Variants in FNIP2 observed in about 807,000 individuals in gnomAD.
The protein encoded by FNIP2 is folliculin-interacting protein 2.
In FNIP2, 32 loss-of-function variants were observed where a neutral mutation model predicts 108.7. That is an observed-to-expected ratio of 0.29 (90% confidence interval 0.22 to 0.40). The LOEUF is 0.40. Among genes scored for constraint, FNIP2 ranks in the 10% least tolerant of loss-of-function variants. The pLI is 1.00. For synonymous variants in FNIP2, 480 were observed against 496.7 expected, an observed-to-expected ratio of 0.97 and a Z score of 0.45; for missense variants, 1,202 against 1,381.6, an observed-to-expected ratio of 0.87 and a Z score of 2.06.
At chr4:158,871,726 T>C in intron 14 of FNIP2, 2 of 985,414 alleles carry the variant, frequency 2.0e-6, no homozygotes, top group Non-Finnish European at 2.4e-6. Context: ...ACTATGAAGT[T>C]GCTTTTGTCC....
chr4:158,878,740 A>G (rs1247568896), intron 14 of FNIP2, among the ~76,000 whole-genome samples: 2 of 151,996 alleles, frequency 1.3e-5, no homozygotes, highest in Non-Finnish European at 1.5e-5. Context: ...GAGAATCAGC[A>G]CTCCTCCAGT....
At chr4:158,904,347 A>G in intron 16 of FNIP2, 119 bp from the exon 17 acceptor site, 1 of 881,794 alleles carries the variant, frequency 1.1e-6, no homozygotes, top group Non-Finnish European at 1.7e-6. Flanking sequence ...CATTAGTTTT[A>G]AATGATAATC....
At chr4:158,825,887 T>G in intron 1 of FNIP2, 29 bp from the exon 2 acceptor site, 2 of 1,596,180 alleles carry the variant, frequency 1.3e-6, no homozygotes, top group Non-Finnish European at 1.7e-6. Context: ...GCAGATAACA[T>G]AACTTCTTTT....
In FNIP2 at chr4:158,868,126, C is replaced by T; in HGVS notation, c.1490C>T (p.Ser497Phe). The T allele has an allele frequency of 6.2e-7, 1 of 1,613,980 alleles. No individual in the cohort carries two copies. Among genetic ancestry groups the T allele is most frequent in the Non-Finnish European group, 8.5e-7 (1 of 1,179,880 alleles). ...GGTGATCTTTACGGAGCCATAGGCT[C>T]TCCAGTGAGACTGACTCGCACCGTA... Reference protein sequence around the residue: ...QLGDLYGAIGSPVRLTRTVVV... With the variant: ...QLGDLYGAIGFPVRLTRTVVV... The change falls in exon 13 of 17, where the codon TCT becomes TTT. Residue 497 changes from serine (S) to phenylalanine (F), a missense_variant. Coordinates refer to ENST00000264433, the MANE Select transcript of FNIP2 (RefSeq NM_020840.3). This position sits in a 1 kb window ranked among gnomAD's most constrained non-coding sequence, Gnocchi z 4.6.
chr4:158,833,140 A>T (rs577807961), intron 5 of FNIP2, among the ~76,000 whole-genome samples: 9 of 152,344 alleles, frequency 5.9e-5, no homozygotes, highest in Non-Finnish European at 1.3e-4. Context: ...TTGAGAGTTT[A>T]TGTAAAATAC....
chr4:158,823,682 C>T (rs762655174), intron 1 of FNIP2, among the ~76,000 whole-genome samples: 10 of 152,366 alleles, frequency 6.6e-5, no homozygotes, highest in South Asian at 2.1e-4. Context: ...TTGCTCACCT[C>T]TACTTTCCTC....
intron 1 of FNIP2, among the ~76,000 whole-genome samples, chr4:158,776,674 C>T (rs764547246): frequency 5.3e-5 from 8 of 152,292 alleles, no homozygotes; most frequent in South Asian, 2.1e-4. Context: ...AACAAGAAAA[C>T]GTACATGTGA....
intron 1 of FNIP2, among the ~76,000 whole-genome samples, chr4:158,803,755 G>A (rs1026188997): frequency 3.3e-5 from 5 of 152,054 alleles, no homozygotes; most frequent in Non-Finnish European, 5.9e-5. Flanking sequence ...ATATCATGTT[G>A]GTCTCACTGA....
chr4:158,794,971 T>G (rs1182494548), intron 1 of FNIP2, among the ~76,000 whole-genome samples: 5 of 152,204 alleles, frequency 3.3e-5, no homozygotes, highest in Admixed American at 3.3e-4. Context: ...ACCCCTCTGC[T>G]AAGAGAAGTT....
rs1647480989 is a variant in FNIP2, at chr4:158,872,732, G to GTA, written c.2949+2264_2949+2265insAT. The GTA allele has an allele frequency of 5.2e-6, 5 of 964,972 alleles. No individual in the cohort carries two copies. In the Admixed American group the frequency reaches 3.2e-4, roughly 62 times the overall value. The allele number at this position is 964,972 out of a possible 1,614,324, so 59.8% of individuals were successfully genotyped here. On this transcript the variant is annotated intron_variant, in intron 14 of 16. Transcript: ENST00000264433. Reference sequence around the variant, plus strand: ...TAAACTGGCGCTCTGGTCTATGGTAGTGTTTTTTTTTTTTTTTTTAAAAAA... The same window carrying GTA: ...TAAACTGGCGCTCTGGTCTATGGTAGTATGTTTTTTTTTTTTTTTTTAAAAAA...
chr4:158,893,373 C>G (rs574434600), intron 15 of FNIP2: 1 of 237,250 alleles, frequency 4.2e-6, no homozygotes, highest in South Asian at 1.5e-4. Context: ...ATAATAGAAC[C>G]TATCTCCTAT....
At chr4:158,785,087 CTTTTT>C (rs397805773) in intron 1 of FNIP2, among the ~76,000 whole-genome samples, 1 of 123,196 alleles carries the variant, frequency 8.1e-6, no homozygotes. Context: ...TAAAGTTCCT[CTTTTT>C]TTTTTTTTTT....
intron 1 of FNIP2, among the ~76,000 whole-genome samples, chr4:158,798,714 A>G (rs1259217598): frequency 6.6e-6 from 1 of 152,230 alleles, no homozygotes; most frequent in Non-Finnish European, 1.5e-5. Context: ...TACAAAAGCA[A>G]TGAAATGCCT....
intron 7 of FNIP2, among the ~76,000 whole-genome samples, chr4:158,843,427 C>T (rs1402039712): frequency 1.3e-5 from 2 of 152,190 alleles, no homozygotes; most frequent in African/African-American, 2.4e-5. Flanking sequence ...TCTTGAGCAC[C>T]TCATGTGGCG....
intron 1 of FNIP2, among the ~76,000 whole-genome samples, chr4:158,820,757 C>G (rs151011208): frequency 1.3e-5 from 2 of 152,338 alleles, no homozygotes; most frequent in South Asian, 4.1e-4. Context: ...GCAGTGACTT[C>G]CCTGTTCATT....
At chr4:158,803,662 T>C (rs1298611324) in intron 1 of FNIP2, among the ~76,000 whole-genome samples, 2 of 152,244 alleles carry the variant, frequency 1.3e-5, no homozygotes, top group African/African-American at 4.8e-5. Context: ...GATTTTGAAC[T>C]GTGGAATTAA....
At chr4:158,800,394 A>G (rs1326415328) in intron 1 of FNIP2, among the ~76,000 whole-genome samples, 4 of 152,184 alleles carry the variant, frequency 2.6e-5, no homozygotes, top group African/African-American at 9.7e-5. Flanking sequence ...TAATGATAGC[A>G]ATTATGTTGA....
At chr4:158,881,603 G>A (rs186075420) in intron 14 of FNIP2, among the ~76,000 whole-genome samples, 5 of 152,332 alleles carry the variant, frequency 3.3e-5, no homozygotes, top group South Asian at 2.1e-4. Context: ...GGCGCGTGCC[G>A]CCACGCCTGA....
chr4:158,859,732 CTG>C, intron 10 of FNIP2, 66 bp downstream of exon 10: 6 of 1,344,210 alleles, frequency 4.5e-6, no homozygotes, highest in Non-Finnish European at 4.2e-6. Context: ...TAAAGATAAA[CTG>C]TGACTTGGAA....
Sources: allele counts gnomAD v4.1 joint callset (sites outside exome capture counted in the v4.1 genomes callset), GRCh38; gene constraint gnomAD v4.1.1; non-coding constraint Gnocchi (gnomAD v3.1); transcripts MANE v1.5; gene names NCBI Gene and HGNC (gene_info 2026-07-23, HGNC 2026-07-21).